Variants in DCP2 observed in about 807,000 individuals in gnomAD.
The protein encoded by DCP2 is m7GpppN-mRNA hydrolase.
In DCP2, 30 loss-of-function variants were observed where a neutral mutation model predicts 56.1. The ratio of observed to expected loss-of-function variants is 0.53; its 90% CI spans 0.40 to 0.73. The LOEUF (loss-of-function observed/expected upper bound fraction) is 0.73, where lower values mean the gene tolerates loss of function less well. DCP2 is among the 30% of genes least tolerant of loss of function. The pLI is 0.00. For missense variants in DCP2, 533 were observed against 502.7 expected (o/e 1.06, Z -0.58); for synonymous variants, 197 against 163.3 (o/e 1.21, Z -1.57).
chr5:113,000,635 A>T (rs1033739910), intron 4 of DCP2, among the ~76,000 whole-genome samples: 2 of 152,210 alleles, frequency 1.3e-5, no homozygotes, highest in African/African-American at 4.8e-5. Context: ...AGGAAAGGAA[A>T]ACCAAAGCAT....
chr5:112,983,443 G>T (rs996829407), intron 1 of DCP2, among the ~76,000 whole-genome samples: 4 of 152,182 alleles, frequency 2.6e-5, no homozygotes, highest in African/African-American at 4.8e-5. Flanking sequence ...GTCTCACATT[G>T]TTGACCAGGC....
At chr5:113,008,157 T>A in intron 9 of DCP2, 115 bp downstream of exon 9, 1 of 850,332 alleles carries the variant, frequency 1.2e-6, no homozygotes. Flanking sequence ...ATTGATATAC[T>A]AGTAGGATTT....
chr5:113,021,683 A>G lies in DCP2; in HGVS notation c.*8199A>G, dbSNP rs549373788. On this transcript the variant is annotated 3_prime_UTR_variant, in exon 11 of 11. Transcript: ENST00000389063. ...TTAAATTCTCAAAAGGAGAGTGACT[A>G]AGGTGTTATACTTACTGTCAAAGTT... Among the ~76,000 whole-genome samples, 2 of 141,246 alleles carry G rather than the reference A, an allele frequency of 1.4e-5. No individual in the cohort carries two copies. Among genetic ancestry groups the G allele is most frequent in the African/African-American group, 5.0e-5 (2 of 40,232 alleles). The allele number at this position is 141,246 out of a possible 152,430, so 92.7% of individuals were successfully genotyped here.
At chr5:112,980,891 G>A (rs1747974024) in intron 1 of DCP2, among the ~76,000 whole-genome samples, 2 of 151,446 alleles carry the variant, frequency 1.3e-5, no homozygotes, top group South Asian at 4.2e-4. Context: ...TTTCTATATT[G>A]AATTGAGGAT....
At chr5:112,990,645 T>A (rs1748541963) in intron 2 of DCP2, among the ~76,000 whole-genome samples, 1 of 152,192 alleles carries the variant, frequency 6.6e-6, no homozygotes, top group African/African-American at 2.4e-5. Flanking sequence ...TCTTACTATG[T>A]TGCCCAGGCT....
At chr5:112,977,272 G>A (rs2150163074) in intron 1 of DCP2, among the ~76,000 whole-genome samples, 1 of 152,006 alleles carries the variant, frequency 6.6e-6, no homozygotes, top group Non-Finnish European at 1.5e-5. Context: ...TAGCCGCTTC[G>A]CCGGAGCCTG....
chr5:112,997,331 T>C lies in DCP2; in HGVS notation c.433-3753T>C, dbSNP rs555475504. Among the ~76,000 whole-genome samples, 45 of 152,346 alleles carry C rather than the reference T, an allele frequency of 3.0e-4. 1 individual carries two copies. The South Asian group carries it at 7.0e-3, about 24-fold the overall frequency. ...ATTGTATTTTTGTTGTGATTTGTGG[T>C]GAAACATCAACTTTCTTGAGAATAA... On this transcript the variant is annotated intron_variant, in intron 4 of 10. Transcript: ENST00000389063.
intron 1 of DCP2, among the ~76,000 whole-genome samples, chr5:112,979,326 A>C (rs1747889006): frequency 6.6e-6 from 1 of 152,186 alleles, no homozygotes; most frequent in Non-Finnish European, 1.5e-5. Context: ...TCAAGTTAAT[A>C]TTTATAGCTT....
intron 10 of DCP2, among the ~76,000 whole-genome samples, chr5:113,012,089 T>C (rs1018500359): frequency 2.6e-5 from 4 of 152,320 alleles, no homozygotes; most frequent in African/African-American, 4.8e-5. Context: ...AGTTAACATA[T>C]ATTCAGAAAT....
At position 113,003,397 on chromosome 5, in the gene DCP2, T is replaced by C. The variant is rs1749271430; in HGVS notation, c.807-545T>C. On this transcript the variant is annotated intron_variant, in intron 7 of 10. Coordinates refer to ENST00000389063, the MANE Select transcript of DCP2 (RefSeq NM_152624.6). ...AGATCATCTTTCAGCTAGGATGTGG[T>C]CTGTAACTGACTTGTGCAGGGTCAA... 2.6e-5 allele frequency among the ~76,000 whole-genome samples: 4 copies of C among 152,238 alleles called. No homozygotes were observed. In the South Asian group the frequency reaches 8.3e-4, roughly 32 times the overall value.
At chr5:113,011,974 C>T (rs1339315664) in intron 10 of DCP2, among the ~76,000 whole-genome samples, 1 of 152,190 alleles carries the variant, frequency 6.6e-6, no homozygotes, top group Non-Finnish European at 1.5e-5. Flanking sequence ...TATTTCTCCT[C>T]ATTAGAGTTA....
At chr5:112,993,423 G>A (rs1748688880) in intron 4 of DCP2, among the ~76,000 whole-genome samples, 1 of 151,878 alleles carries the variant, frequency 6.6e-6, no homozygotes, top group South Asian at 2.1e-4. Context: ...TCAGGAGTTC[G>A]AGACCAGCCT....
Position 113,001,180 on chromosome 5 carries a change from A to C in DCP2, c.529A>C (p.Ile177Leu). The C allele has an allele frequency of 6.2e-7, 1 of 1,613,786 alleles. No individual in the cohort carries two copies. Among genetic ancestry groups the C allele is most frequent in the Non-Finnish European group, 8.5e-7 (1 of 1,179,948 alleles). The change falls in exon 5 of 11, where the codon ATT (isoleucine) becomes CTT (leucine). Residue 177 changes from isoleucine to leucine, a missense_variant. By Grantham distance (5) the Ile-to-Leu change is conservative. Coordinates refer to ENST00000389063, the MANE Select transcript of DCP2 (RefSeq NM_152624.6). ...INDQLARLYI[I>L]PGIPKDTKFN... ...TGACCAGCTTGCTCGTTTGTACATCATTCCAGGAATTCCAAAAGACACAAA... is the reference window on the plus strand; with the variant it reads ...TGACCAGCTTGCTCGTTTGTACATCCTTCCAGGAATTCCAAAAGACACAAA...
At chr5:112,981,570 A>G (rs1748005772) in intron 1 of DCP2, among the ~76,000 whole-genome samples, 1 of 152,186 alleles carries the variant, frequency 6.6e-6, no homozygotes, top group African/African-American at 2.4e-5. Context: ...TGTAGTTTTT[A>G]CAGTAGAGGC....
rs373708284 is a variant in DCP2 at position 113,001,657 on chromosome 5, C to T, written c.789C>T (p.Pro263=). 6.2e-6 allele frequency: 10 copies of T among 1,613,920 alleles called. No homozygotes were observed. The highest frequency in any genetic ancestry group is 8.5e-6 in the Non-Finnish European group (10 of 1,179,952). Residue 263 remains proline (P), a synonymous_variant, in exon 7 of 11, where the codon CCC becomes CCT. Coordinates refer to ENST00000389063, the MANE Select transcript of DCP2 (RefSeq NM_152624.6). ...FSSTGSTPAK[P]TVEKLSRTKF... is the part of the protein sequence containing the mutation. The stretch of plus-strand genomic sequence containing the variant: ...CAACTGGTAGCACGCCGGCTAAACC[C>T]ACTGTGGAAAAATTGAGGTAAAGAA...
At chr5:112,987,183 C>G (rs1017267514) in intron 2 of DCP2, among the ~76,000 whole-genome samples, 2 of 151,746 alleles carry the variant, frequency 1.3e-5, no homozygotes, top group African/African-American at 4.8e-5. Flanking sequence ...GTACATGTTT[C>G]TAGAATTTGG....
intron 1 of DCP2, chr5:112,983,930 TTAAAA>T (rs1251118389): frequency 2.6e-5 from 4 of 152,252 alleles, no homozygotes; most frequent in Non-Finnish European, 2.9e-5. Context: ...GTGTAGTATC[TTAAAA>T]TATAGTATTT....
chr5:112,998,632 A>G (rs190704955), intron 4 of DCP2, among the ~76,000 whole-genome samples: 5 of 152,382 alleles, frequency 3.3e-5, no homozygotes, highest in Admixed American at 2.6e-4. Context: ...ACGTGACCCC[A>G]TAAAAATTAC....
At chr5:112,979,179 C>A (rs963808031) in intron 1 of DCP2, among the ~76,000 whole-genome samples, 7 of 151,990 alleles carry the variant, frequency 4.6e-5, no homozygotes, top group Admixed American at 3.9e-4. Flanking sequence ...TTTTTCCTTT[C>A]AAGAAATTTC....
Sources: gnomAD v4.1 joint callset for allele counts (sites outside exome capture counted in the v4.1 genomes callset) on GRCh38, gnomAD v4.1.1 for gene constraint, MANE v1.5 for transcripts, NCBI Gene and HGNC (gene_info 2026-07-23, HGNC 2026-07-21) for gene names.